The following LPXN variants were observed in gnomAD, a reference collection of about 807,000 sequenced individuals.
LPXN encodes the protein leupaxin.
A neutral mutation model predicts 45.6 loss-of-function variants in LPXN; 28 were observed. The observed-to-expected ratio is 0.61, with a 90% CI of 0.45 to 0.84. The LOEUF (loss-of-function observed/expected upper bound fraction) is 0.84. Among genes scored for constraint, LPXN ranks in the 40% least tolerant of loss-of-function variants. The probability of loss-of-function intolerance (pLI) is 0.00; values close to 1 mark genes in which losing one functional copy is unlikely to be tolerated. For synonymous variants in LPXN, 166 were observed against 169.9 expected, an observed-to-expected ratio of 0.98 and a Z score of 0.18; for missense variants, 459 against 475.0, an observed-to-expected ratio of 0.97 and a Z score of 0.31.
rs1853288126 is a variant in LPXN at position 58,528,262 on chromosome 11, G to A, written c.743-71C>T. 6 of 1,413,882 alleles carry A rather than the reference G, an allele frequency of 4.2e-6. No homozygotes were observed. In the African/African-American group the frequency reaches 6.0e-5, roughly 14 times the overall value. The allele number at this position is 1,413,882 out of a possible 1,614,324, so 87.6% of individuals were successfully genotyped here. A position where few individuals can be genotyped will look rare whatever the true frequency, so the allele number is the denominator to read the frequency against. On this transcript the variant is annotated intron_variant, in intron 7 of 8. Transcript: ENST00000395074. ...AAAGCTACACTGGAGACTGAGAGGAGGCCCTTTCAATCTCAGTGTCCTCAT... is the reference window on the plus strand; with the variant it reads ...AAAGCTACACTGGAGACTGAGAGGAAGCCCTTTCAATCTCAGTGTCCTCAT...
chr11:58,576,839 T>C (rs1384124789), upstream of LPXN, among the ~76,000 whole-genome samples: 1 of 152,218 alleles, frequency 6.6e-6, no homozygotes, highest in African/African-American at 2.4e-5. Flanking sequence ...GGTACTATCA[T>C]AGTTCAGTGT....
Position 58,539,607 on chromosome 11 carries a change from T to C in LPXN, c.742+10179A>G, listed in dbSNP as rs554696667. Among the ~76,000 whole-genome samples, 97 of 152,324 alleles carry C rather than the reference T, an allele frequency of 6.4e-4. 1 individual carries two copies. Among genetic ancestry groups the C allele is most frequent in the African/African-American group, 2.3e-3 (95 of 41,576 alleles). ...AAAAAATTTGAGCATTAAAAAATAC[T>C]AATTCAATAGATCAAATTATACCAA... is the stretch of plus-strand genomic sequence containing the variant. On this transcript the variant is annotated intron_variant, in intron 7 of 8. Transcript: ENST00000395074.
In LPXN at chr11:58,549,993, AGTAAGCACAGCGTGGAGAAAAAAGTTG is replaced by A. The variant is rs1429102957; in HGVS notation, c.613_639del (p.Gln205_Tyr213del). ...CTTACATCCAGGATGGGAGCAGCGCAGTAAGCACAGCGTGGAGAAAAAAGTTGGTGGTAGTCGTTGGGGCAGTAGGCC... is the reference window on the plus strand; with the variant it reads ...CTTACATCCAGGATGGGAGCAGCGCAGTGGTAGTCGTTGGGGCAGTAGGCC... On this transcript the variant is annotated inframe_deletion, in exon 6 of 9. Transcript: ENST00000395074. 6.2e-7 allele frequency: 1 copy of A among 1,614,126 alleles called. No individual in the cohort carries two copies. Among genetic ancestry groups the A allele is most frequent in the African/African-American group, 1.3e-5 (1 of 74,942 alleles).
intron 7 of LPXN, among the ~76,000 whole-genome samples, chr11:58,531,607 G>A (rs1853388757): frequency 6.6e-6 from 1 of 152,140 alleles, no homozygotes; most frequent in Non-Finnish European, 1.5e-5. Flanking sequence ...GTTATGGGGA[G>A]AATGGAACCA....
At chr11:58,527,761 G>A in intron 8 of LPXN, 38 bp from the exon 9 acceptor site, 6 of 1,589,298 alleles carry the variant, frequency 3.8e-6, no homozygotes, top group Non-Finnish European at 5.2e-6. Context: ...GAATGCAAAT[G>A]TCAAGAGGTA....
At chr11:58,534,114 A>G (rs1409361971) in intron 7 of LPXN, among the ~76,000 whole-genome samples, 1 of 152,204 alleles carries the variant, frequency 6.6e-6, no homozygotes, top group Admixed American at 6.5e-5. Flanking sequence ...AGACAGATCA[A>G]TGAGACAGAA....
At chr11:58,539,392 G>A (rs1030186058) in intron 7 of LPXN, among the ~76,000 whole-genome samples, 6 of 152,138 alleles carry the variant, frequency 3.9e-5, no homozygotes, top group Admixed American at 6.5e-5. Context: ...CAGAAATAAT[G>A]AACACTGCTA....
intron 7 of LPXN, among the ~76,000 whole-genome samples, chr11:58,546,186 G>C (rs1282904521): frequency 6.6e-6 from 1 of 152,096 alleles, no homozygotes; most frequent in Non-Finnish European, 1.5e-5. Context: ...TAAGAAAACT[G>C]GAACTTACGT....
chr11:58,565,726 T>C (rs1047838817), intron 2 of LPXN, among the ~76,000 whole-genome samples: 3 of 152,138 alleles, frequency 2.0e-5, no homozygotes, highest in African/African-American at 7.2e-5. Flanking sequence ...CTAACGCCTA[T>C]CATCCCAGCA....
At chr11:58,540,899 A>G (rs547723964) in intron 7 of LPXN, among the ~76,000 whole-genome samples, 2 of 152,282 alleles carry the variant, frequency 1.3e-5, no homozygotes, top group South Asian at 2.1e-4. Flanking sequence ...CTTTTCAACT[A>G]TCTGATCTTT....
upstream of LPXN, among the ~76,000 whole-genome samples, chr11:58,577,056 C>T (rs918502124): frequency 3.3e-5 from 5 of 151,928 alleles, no homozygotes; most frequent in African/African-American, 1.2e-4. Flanking sequence ...CATCCAAAAG[C>T]GCTGGGATTC....
chr11:58,570,284 CAG>C (rs1231339559), intron 2 of LPXN, among the ~76,000 whole-genome samples: 1 of 148,512 alleles, frequency 6.7e-6, no homozygotes, highest in Non-Finnish European at 1.5e-5. Flanking sequence ...GCCTTGGAGA[CAG>C]AGTGTGACTC....
intron 3 of LPXN, among the ~76,000 whole-genome samples, chr11:58,558,641 C>T (rs913625197): frequency 1.3e-5 from 2 of 151,386 alleles, no homozygotes; most frequent in African/African-American, 4.9e-5. Flanking sequence ...GAAACAGGCT[C>T]CTGCACCTAA....
intron 1 of LPXN, among the ~76,000 whole-genome samples, chr11:58,571,411 A>G (rs903248269): frequency 6.6e-6 from 1 of 152,028 alleles, no homozygotes. Context: ...TCAGAAAAAT[A>G]GAAGCAATTA....
intron 7 of LPXN, among the ~76,000 whole-genome samples, chr11:58,545,705 A>G (rs558260512): frequency 3.3e-4 from 51 of 152,310 alleles, no homozygotes; most frequent in African/African-American, 1.2e-3. Context: ...AAGAGATCCA[A>G]CAGCCGAAGA....
intron 7 of LPXN, among the ~76,000 whole-genome samples, chr11:58,549,028 C>T (rs1452006666): frequency 1.3e-5 from 2 of 152,134 alleles, no homozygotes; most frequent in Non-Finnish European, 2.9e-5. Flanking sequence ...CATCTTCCCT[C>T]TTAGACAGTC....
intron 7 of LPXN, among the ~76,000 whole-genome samples, chr11:58,538,221 C>T (rs1400439115): frequency 6.6e-5 from 10 of 151,984 alleles, no homozygotes; most frequent in South Asian, 2.1e-4. Flanking sequence ...TGAATAGTGC[C>T]GCCATAAACA....
intron 4 of LPXN, 122 bp from the exon 5 acceptor site, chr11:58,551,354 C>A: frequency 1.4e-6 from 1 of 728,732 alleles, no homozygotes; most frequent in African/African-American, 1.8e-5. Context: ...AACCTTCCTG[C>A]AAGACATTGG....
chr11:58,535,897 GAA>G (rs373401606), intron 7 of LPXN, among the ~76,000 whole-genome samples: 188 of 152,120 alleles, frequency 1.2e-3, no homozygotes, highest in African/African-American at 4.3e-3. Flanking sequence ...AATCATGAGT[GAA>G]ACTCATTCAC....
Sources: allele counts gnomAD v4.1 joint callset (sites outside exome capture counted in the v4.1 genomes callset), GRCh38; gene constraint gnomAD v4.1.1; transcripts MANE v1.5; gene names NCBI Gene and HGNC (gene_info 2026-07-23, HGNC 2026-07-21).